The following DYNC1H1 variants were observed in gnomAD, a reference collection of about 807,000 sequenced individuals.
The protein encoded by DYNC1H1 is dynein cytoplasmic 1 heavy chain 1, also known as cytoplasmic dynein 1 heavy chain 1.
DYNC1H1 carries 51 observed loss-of-function variants against 527.1 expected under a neutral mutation model. The ratio of observed to expected loss-of-function variants is 0.10; its 90% CI spans 0.08 to 0.12. The LOEUF (loss-of-function observed/expected upper bound fraction) is 0.12. DYNC1H1 is among the 10% of genes least tolerant of loss of function. The probability of loss-of-function intolerance (pLI) is 1.00; values close to 1 mark genes in which losing one functional copy is unlikely to be tolerated. For synonymous variants in DYNC1H1, 2,189 were observed against 2,278.8 expected (o/e 0.96, Z 1.12); for missense variants, 2,771 against 5,971.8 (o/e 0.46, Z 17.66).
In DYNC1H1 at chr14:102,040,300, G is replaced by C. The variant is rs1332271433; in HGVS notation, c.11755G>C (p.Gly3919Arg). 5 of 1,614,038 alleles carry C rather than the reference G, an allele frequency of 3.1e-6. No homozygotes were observed. In the Admixed American group the frequency reaches 8.3e-5, roughly 27 times the overall value. ...AGGAAATGAGATTGTCCTGAGTGCT[G>C]GCTCCACCCCCAGGATCCAGGGCCT... ...LRGNEIVLSA[G>R]STPRIQGLTV... is the part of the protein sequence containing the mutation. Residue 3919 changes from glycine to arginine, a missense_variant, in exon 63 of 78, where the codon GGC (glycine) becomes CGC (arginine). Transcript: ENST00000360184.
rs1000634979 is a variant in DYNC1H1, at chr14:101,965,881, C to G, written c.256+934C>G. ...GGGAAGAGGCTAGAGTTAGCGTGTT[C>G]CAGCTGTCTCCTCAAATAATGATCG... On this transcript the variant is annotated intron_variant, in intron 1 of 77. Coordinates refer to ENST00000360184, the MANE Select transcript of DYNC1H1 (RefSeq NM_001376.5). The surrounding 1 kb of genome is among the most constrained non-coding windows in gnomAD (Gnocchi z 4.1). Among the ~76,000 whole-genome samples the G allele has an allele frequency of 1.3e-5, 2 of 151,594 alleles. No homozygotes were observed. Among genetic ancestry groups the G allele is most frequent in the African/African-American group, 4.9e-5 (2 of 41,234 alleles).
rs2047656861 is a variant in DYNC1H1 at position 101,965,526 on chromosome 14, G to A, written c.256+579G>A. Reference sequence around the variant, plus strand: ...TGCCTTGTGGGGACCCAGAGGCCGAGGCCCACAGAGCGACGGTGCCAGCCC... The same window carrying A: ...TGCCTTGTGGGGACCCAGAGGCCGAAGCCCACAGAGCGACGGTGCCAGCCC... On this transcript the variant is annotated intron_variant, in intron 1 of 77. Coordinates refer to ENST00000360184, the MANE Select transcript of DYNC1H1 (RefSeq NM_001376.5). The surrounding 1 kb of genome is among the most constrained non-coding windows in gnomAD (Gnocchi z 4.1). Among the ~76,000 whole-genome samples the A allele has an allele frequency of 6.6e-6, 1 of 152,178 alleles. No homozygotes were observed. Among genetic ancestry groups the A allele is most frequent in the African/African-American group, 2.4e-5 (1 of 41,458 alleles).
chr14:102,043,572 G>A, intron 69 of DYNC1H1: 1 of 418,928 alleles, frequency 2.4e-6, no homozygotes, highest in Non-Finnish European at 4.5e-6. Flanking sequence ...ATTGTGGCAG[G>A]GGTTTCGTTC....
At chr14:101,984,425 GTGTGTGTATATA>G (rs1408548383) in intron 7 of DYNC1H1, among the ~76,000 whole-genome samples, 2 of 123,736 alleles carry the variant, frequency 1.6e-5, no homozygotes, top group African/African-American at 7.2e-5. Context: ...GTGTGTGTGT[GTGTGTGTATATA>G]TATATATATT....
At position 101,983,623 on chromosome 14, in the gene DYNC1H1, T is replaced by C; in HGVS notation, c.1461+14T>C. On this transcript the variant is annotated intron_variant, in intron 7 of 77. Transcript: ENST00000360184. The surrounding 1 kb of genome is among the most constrained non-coding windows in gnomAD (Gnocchi z 5.3). Reference sequence around the variant, plus strand: ...CTGAGGCCACAGGTAAGATTTGCATTCTAAAAGTTTGTGTTTTGTTTTTGT... The same window carrying C: ...CTGAGGCCACAGGTAAGATTTGCATCCTAAAAGTTTGTGTTTTGTTTTTGT... 6.2e-7 allele frequency: 1 copy of C among 1,611,856 alleles called. No homozygotes were observed. The highest frequency in any genetic ancestry group is 8.5e-7 in the Non-Finnish European group (1 of 1,178,784).
chr14:102,048,355 A>G, intron 73 of DYNC1H1, 161 bp from the exon 74 acceptor site: 1 of 1,018,190 alleles, frequency 9.8e-7, no homozygotes, highest in Non-Finnish European at 1.5e-6. Flanking sequence ...TCAGCTTCAC[A>G]CAAGCTCGGT....
chr14:102,037,096 T>TA (rs879632893), intron 57 of DYNC1H1: 2,317 of 159,062 alleles, frequency 0.015, 1 homozygote, highest in South Asian at 0.03. Flanking sequence ...GACTGTATCT[T>TA]AAAAAAAAAA....
chr14:102,016,802 A>C lies in DYNC1H1; in HGVS notation c.7651A>C (p.Lys2551Gln). ...CGGAGAATGGTCTCCGTGGCAGGCC[A>C]AGGTGCCTCAGATTGAAGTGGAGAC... ...ISGEWSPWQA[K>Q]VPQIEVETHK... Residue 2551 changes from lysine (K) to glutamine (Q), a missense_variant, in exon 38 of 78, where the codon AAG (lysine) becomes CAG (glutamine). Physicochemically the swap from Lys to Gln is moderately conservative, Grantham distance 53. Coordinates refer to ENST00000360184, the MANE Select transcript of DYNC1H1 (RefSeq NM_001376.5). The surrounding 1 kb of genome is among the most constrained non-coding windows in gnomAD (Gnocchi z 7.3). 1 of 1,613,924 alleles carries C rather than the reference A, an allele frequency of 6.2e-7. No homozygotes were observed. Among genetic ancestry groups the C allele is most frequent in the Non-Finnish European group, 8.5e-7 (1 of 1,180,036 alleles).
chr14:102,013,055 C>G (rs2048276056), intron 34 of DYNC1H1, among the ~76,000 whole-genome samples: 1 of 152,080 alleles, frequency 6.6e-6, no homozygotes, highest in Non-Finnish European at 1.5e-5. Flanking sequence ...TGAGACCATT[C>G]TGGCTAACAT....
Position 102,004,638 on chromosome 14 carries a change from G to A in DYNC1H1, c.5004G>A (p.Glu1668=). ...FAGVSSIILN[E]DNSVVLGISS... is the part of the protein sequence containing the mutation. ...GAGTTTCGAGCATCATCCTGAACGA[G>A]GATAACTCTGTTGTTTTGGGTATTT... Residue 1668 remains glutamate, a synonymous_variant, in exon 24 of 78, where the codon GAG becomes GAA. Coordinates refer to ENST00000360184, the MANE Select transcript of DYNC1H1 (RefSeq NM_001376.5). 1 of 1,614,174 alleles carries A rather than the reference G, an allele frequency of 6.2e-7. No individual in the cohort carries two copies. Among genetic ancestry groups the A allele is most frequent in the Non-Finnish European group, 8.5e-7 (1 of 1,180,042 alleles).
chr14:102,046,786 G>A (rs1385002463), intron 72 of DYNC1H1, among the ~76,000 whole-genome samples: 1 of 151,580 alleles, frequency 6.6e-6, no homozygotes, highest in African/African-American at 2.4e-5. Context: ...TTGGACTCGG[G>A]CTGCTGGTTC....
At position 102,015,215 on chromosome 14, in the gene DYNC1H1, C is replaced by T. The variant is rs1419349257; in HGVS notation, c.7125C>T (p.Phe2375=). The change falls in exon 35 of 78, where the codon TTC becomes TTT. Residue 2375 remains phenylalanine, a synonymous_variant. Transcript: ENST00000360184. The surrounding 1 kb of genome is among the most constrained non-coding windows in gnomAD (Gnocchi z 6.9). ...SEDVLSTDMI[F]NNFLARLRSI... is the part of the protein sequence containing the mutation. ...ATGTGCTGAGCACCGACATGATCTTCAACAACTTCCTGGCCAGGCTGCGCA... is the reference window on the plus strand; with the variant it reads ...ATGTGCTGAGCACCGACATGATCTTTAACAACTTCCTGGCCAGGCTGCGCA... 6.2e-7 allele frequency: 1 copy of T among 1,614,220 alleles called. No homozygotes were observed. Among genetic ancestry groups the T allele is most frequent in the Admixed American group, 1.7e-5 (1 of 60,026 alleles).
chr14:102,040,866 G>A (rs2048641046), intron 64 of DYNC1H1, 193 bp downstream of exon 64: 1 of 673,782 alleles, frequency 1.5e-6, no homozygotes, highest in Non-Finnish European at 2.6e-6. Context: ...GGCTAAAGCA[G>A]GAAGGTCACT....
chr14:102,033,265 C>T lies in DYNC1H1; in HGVS notation c.10198-4C>T. ...AATAACAGTTATCAATTGGTTCTTCCCAGCTTAACTATGCAGACATGTTAA... is the reference window on the plus strand; with the variant it reads ...AATAACAGTTATCAATTGGTTCTTCTCAGCTTAACTATGCAGACATGTTAA... On this transcript the variant is annotated splice_region_variant and splice_polypyrimidine_tract_variant and intron_variant, in intron 53 of 77. Transcript: ENST00000360184. The surrounding 1 kb of genome is among the most constrained non-coding windows in gnomAD (Gnocchi z 5.6). 2 of 1,614,160 alleles carry T rather than the reference C, an allele frequency of 1.2e-6. No individual in the cohort carries two copies. Among genetic ancestry groups the T allele is most frequent in the Non-Finnish European group, 8.5e-7 (1 of 1,180,028 alleles).
chr14:102,043,502 C>CCAAA (rs2048677662), intron 69 of DYNC1H1: 2 of 357,310 alleles, frequency 5.6e-6, no homozygotes, highest in Admixed American at 8.0e-5. Context: ...GCCCCCAAGA[C>CCAAA]CAAACAGAGC....
chr14:102,042,420 G>A lies in DYNC1H1; in HGVS notation c.12312G>A (p.Gly4104=), dbSNP rs573819401. The change falls in exon 68 of 78, where the codon GGG becomes GGA. Residue 4104 remains glycine (G), a synonymous_variant. Transcript: ENST00000360184. This position sits in a 1 kb window ranked among gnomAD's most constrained non-coding sequence, Gnocchi z 5.7. ...TGAAGAATGTGCATCTGGCCCCAGGGTGGCTGATGCAGCTGGAGAAGAAGT... is the reference window on the plus strand; with the variant it reads ...TGAAGAATGTGCATCTGGCCCCAGGATGGCTGATGCAGCTGGAGAAGAAGT... The part of the protein sequence containing the change: ...VMLKNVHLAP[G]WLMQLEKKLH... 3.1e-6 allele frequency: 5 copies of A among 1,614,200 alleles called. No homozygotes were observed. Among genetic ancestry groups the A allele is most frequent in the South Asian group, 1.1e-5 (1 of 91,088 alleles).
At position 102,044,331 on chromosome 14, in the gene DYNC1H1, G is replaced by T. The variant is rs1012807291; in HGVS notation, c.12742G>T (p.Ala4248Ser). The change falls in exon 71 of 78, where the codon GCC (alanine) becomes TCC (serine). Residue 4248 changes from alanine to serine, a missense_variant. By Grantham distance (99) the Ala-to-Ser change is moderately conservative. Transcript: ENST00000360184. The surrounding 1 kb of genome is among the most constrained non-coding windows in gnomAD (Gnocchi z 7.1). ...GTGGTCTGCACTAAAGACCTTAATG[G>T]CCCAGTCCATTTATGGCGGGCGCGT... is the stretch of plus-strand genomic sequence containing the variant. ...IPWSALKTLMAQSIYGGRVDN... is the reference protein window; with the variant it reads ...IPWSALKTLMSQSIYGGRVDN... 1.9e-6 allele frequency: 3 copies of T among 1,614,078 alleles called. No individual in the cohort carries two copies. The highest frequency in any genetic ancestry group is 2.7e-5 in the African/African-American group (2 of 74,944).
In DYNC1H1 at chr14:102,008,303, A is replaced by C. The variant is rs1458880047; in HGVS notation, c.5943A>C (p.Ala1981=). 2 of 1,614,138 alleles carry C rather than the reference A, an allele frequency of 1.2e-6. No homozygotes were observed. Among genetic ancestry groups the C allele is most frequent in the African/African-American group, 2.7e-5 (2 of 74,944 alleles). The change falls in exon 29 of 78, where the codon GCA becomes GCC. Residue 1981 remains alanine (A), a synonymous_variant. Coordinates refer to ENST00000360184, the MANE Select transcript of DYNC1H1 (RefSeq NM_001376.5). ...AGCAGGTGCAGTGCATACAGGAAGCACTGCGTGAACATTCCAACCCCAACT... is the reference window on the plus strand; with the variant it reads ...AGCAGGTGCAGTGCATACAGGAAGCCCTGCGTGAACATTCCAACCCCAACT... ...VSQQVQCIQE[A]LREHSNPNYD... is the part of the protein sequence containing the mutation.
At position 102,027,172 on chromosome 14, in the gene DYNC1H1, A is replaced by G; in HGVS notation, c.8772-2A>G. ...CATTGATCAGTTCTCGTAATGTTTC[A>G]GAATATTCCGTCAACCTCAAGGCCA... On this transcript the variant is annotated splice_acceptor_variant, in intron 44 of 77. Coordinates refer to ENST00000360184, the MANE Select transcript of DYNC1H1 (RefSeq NM_001376.5). LOFTEE classifies it high-confidence loss of function. This position sits in a 1 kb window ranked among gnomAD's most constrained non-coding sequence, Gnocchi z 7.7. The G allele has an allele frequency of 6.2e-7, 1 of 1,613,972 alleles. No homozygotes were observed. The highest frequency in any genetic ancestry group is 8.5e-7 in the Non-Finnish European group (1 of 1,179,846).
Sources: allele counts gnomAD v4.1 joint callset (sites outside exome capture counted in the v4.1 genomes callset), GRCh38; gene constraint gnomAD v4.1.1; non-coding constraint Gnocchi (gnomAD v3.1); transcripts MANE v1.5; gene names NCBI Gene and HGNC (gene_info 2026-07-23, HGNC 2026-07-21).